KCNT2: variants seen among roughly 807,000 people sequenced by gnomAD.
KCNT2 encodes the protein potassium channel subfamily T member 2.
Under a neutral mutation model 153.8 loss-of-function variants are expected in KCNT2, and 67 were observed. The ratio of observed to expected loss-of-function variants is 0.44; its 90% CI spans 0.36 to 0.53. The LOEUF is 0.53. KCNT2 is among the 20% of genes least tolerant of loss of function. The probability of loss-of-function intolerance (pLI) is 0.00; values close to 1 mark genes in which losing one functional copy is unlikely to be tolerated. For synonymous variants in KCNT2, 500 were observed against 458.8 expected (o/e 1.09, Z -1.15); for missense variants, 975 against 1,354.8 (o/e 0.72, Z 4.40).
chr1:196,349,572 C>G (rs186570062), intron 14 of KCNT2, among the ~76,000 whole-genome samples: 1 of 152,152 alleles, frequency 6.6e-6, no homozygotes, highest in South Asian at 2.1e-4. Flanking sequence ...CTGCATTCCA[C>G]TCTTCCTTAT....
rs539406338 is a variant in KCNT2, at chr1:196,497,307, GT to G, written c.96-4967del. On this transcript the variant is annotated intron_variant, in intron 1 of 27. Transcript: ENST00000294725. ...TAACAGCTATTTACATAACTTTCAT[GT>G]TTTATTAGGTATTTAGTAGTACTTA... is the stretch of plus-strand genomic sequence containing the variant. Among the ~76,000 whole-genome samples, 5 of 152,144 alleles carry G rather than the reference GT, an allele frequency of 3.3e-5. No homozygotes were observed. In the South Asian group the frequency reaches 1.0e-3, roughly 32 times the overall value.
In KCNT2 at chr1:196,479,226, A is replaced by G. The variant is rs766361678; in HGVS notation, c.337T>C (p.Leu113=). 1.3e-6 allele frequency: 2 copies of G among 1,567,988 alleles called. No individual in the cohort carries two copies. Among genetic ancestry groups the G allele is most frequent in the Non-Finnish European group, 1.7e-6 (2 of 1,144,142 alleles). The change falls in exon 5 of 28, where the codon TTG becomes CTG. Residue 113 remains leucine, a synonymous_variant. Coordinates refer to ENST00000294725, the MANE Select transcript of KCNT2 (RefSeq NM_198503.5). The part of the protein sequence containing the change: ...PLWGLQVSVA[L]ISLFETILLG... ...AATATTGTTTCAAACAGACTTATCA[A>G]TGCCACTGAAACCTGAAAGATAAAT...
chr1:196,520,611 T>A (rs1459209893), intron 1 of KCNT2, among the ~76,000 whole-genome samples: 6 of 151,954 alleles, frequency 3.9e-5, no homozygotes, highest in Admixed American at 6.6e-5. Flanking sequence ...CACAGACCAA[T>A]GAAACATGGT....
intron 1 of KCNT2, among the ~76,000 whole-genome samples, chr1:196,496,761 G>A (rs1215316679): frequency 2.0e-5 from 3 of 152,112 alleles, no homozygotes; most frequent in African/African-American, 4.8e-5. Flanking sequence ...TGGACGGGAC[G>A]CCATCACATT....
Position 196,332,424 on chromosome 1 carries a change from A to G in KCNT2, c.1998-1163T>C, listed in dbSNP as rs534785899. On this transcript the variant is annotated intron_variant, in intron 17 of 27. Transcript: ENST00000294725. ...ATACATTTGAGGACTTTGACCATTA[A>G]TGTCTTTGAAGAGTAGATTTGGTTT... Among the ~76,000 whole-genome samples, 3 of 152,218 alleles carry G rather than the reference A, an allele frequency of 2.0e-5. No individual in the cohort carries two copies. In the East Asian group the frequency reaches 5.8e-4, roughly 29 times the overall value.
intron 26 of KCNT2, among the ~76,000 whole-genome samples, chr1:196,254,667 C>T (rs1333963766): frequency 6.6e-6 from 1 of 151,482 alleles, no homozygotes; most frequent in Non-Finnish European, 1.5e-5. Context: ...ACCATCACCA[C>T]TACTATTACT....
At chr1:196,481,249 T>C (rs1230208741) in intron 4 of KCNT2, among the ~76,000 whole-genome samples, 1 of 152,102 alleles carries the variant, frequency 6.6e-6, no homozygotes, top group East Asian at 1.9e-4. Context: ...TTCACAATCA[T>C]CGTGACTTTG....
At chr1:196,364,468 T>A (rs1463758038) in intron 14 of KCNT2, among the ~76,000 whole-genome samples, 1 of 152,122 alleles carries the variant, frequency 6.6e-6, no homozygotes, top group East Asian at 1.9e-4. Flanking sequence ...ACAAATTAAT[T>A]ACATTGCATT....
intron 1 of KCNT2, among the ~76,000 whole-genome samples, chr1:196,552,129 GA>G (rs1657992782): frequency 6.6e-6 from 1 of 151,010 alleles, no homozygotes; most frequent in African/African-American, 2.4e-5. Context: ...CCCTTTTCTT[GA>G]AACTAACTAA....
chr1:196,436,612 C>T (rs757599911), intron 8 of KCNT2, among the ~76,000 whole-genome samples: 9 of 151,276 alleles, frequency 5.9e-5, no homozygotes, highest in Non-Finnish European at 1.0e-4. Context: ...TTGTTTCATT[C>T]ACACATGTCT....
At chr1:196,508,051 G>A (rs1022603958) in intron 1 of KCNT2, among the ~76,000 whole-genome samples, 8 of 151,552 alleles carry the variant, frequency 5.3e-5, no homozygotes, top group South Asian at 4.2e-4. Context: ...AAATTGATTC[G>A]TGAAATTTAA....
At chr1:196,491,236 A>G (rs11799630) in intron 2 of KCNT2, among the ~76,000 whole-genome samples, 2,185 of 152,108 alleles carry the variant, frequency 0.014, 44 homozygotes, top group African/African-American at 0.049. Context: ...GGTAATATCT[A>G]TTTATGGGGC....
chr1:196,410,011 G>A (rs1672151014), intron 12 of KCNT2, among the ~76,000 whole-genome samples: 1 of 151,510 alleles, frequency 6.6e-6, no homozygotes, highest in South Asian at 2.1e-4. Context: ...TGATATCTCT[G>A]CTGTTTTCGA....
chr1:196,386,569 G>A (rs1404936848), intron 13 of KCNT2, among the ~76,000 whole-genome samples: 1 of 151,880 alleles, frequency 6.6e-6, no homozygotes, highest in Non-Finnish European at 1.5e-5. Context: ...TTTCTTCAAA[G>A]GTAAGTAATA....
intron 16 of KCNT2, among the ~76,000 whole-genome samples, chr1:196,337,535 A>G (rs1665153161): frequency 6.6e-6 from 1 of 151,932 alleles, no homozygotes; most frequent in Non-Finnish European, 1.5e-5. Context: ...GCCTCTTTCT[A>G]CCTGTTCGTC....
chr1:196,516,427 T>C (rs6692565), intron 1 of KCNT2, among the ~76,000 whole-genome samples: 149,420 of 151,978 alleles, frequency 0.98, 73,499 homozygotes, highest in Middle Eastern at 1. Context: ...AATCTCTCCA[T>C]CAAGATCTAC....
At chr1:196,381,999 A>G (rs1360085398) in intron 13 of KCNT2, among the ~76,000 whole-genome samples, 3 of 152,202 alleles carry the variant, frequency 2.0e-5, no homozygotes, top group Non-Finnish European at 2.9e-5. Flanking sequence ...AAGTAAATGC[A>G]TATGTATTAA....
chr1:196,246,216 C>T (rs552686121), intron 26 of KCNT2, among the ~76,000 whole-genome samples: 1 of 152,204 alleles, frequency 6.6e-6, no homozygotes, highest in South Asian at 2.1e-4. Context: ...AGGAAAAATA[C>T]TTGTATCCTA....
chr1:196,593,307 T>TACACAC lies in KCNT2; in HGVS notation c.95+14907_95+14908insGTGTGT, dbSNP rs1380637836. 3.2e-3 allele frequency among the ~76,000 whole-genome samples: 404 copies of TACACAC among 124,760 alleles called. 3 individuals carry two copies. Among genetic ancestry groups the TACACAC allele is most frequent in the African/African-American group, 0.016 (392 of 25,026 alleles). 81.8% of individuals were successfully genotyped at this position (124,760 alleles called of 152,430 possible). Reference sequence around the variant, plus strand: ...CCATCATATATATAATATATATATATATATACACACACACACACACACACA... The same window carrying TACACAC: ...CCATCATATATATAATATATATATATACACACATATACACACACACACACACACACA... On this transcript the variant is annotated intron_variant, in intron 1 of 27. Coordinates refer to ENST00000294725, the MANE Select transcript of KCNT2 (RefSeq NM_198503.5).
Sources: allele counts gnomAD v4.1 joint callset (sites outside exome capture counted in the v4.1 genomes callset), GRCh38; gene constraint gnomAD v4.1.1; transcripts MANE v1.5; gene names NCBI Gene and HGNC (gene_info 2026-07-23, HGNC 2026-07-21).